EXT1: variants seen among roughly 807,000 people sequenced by gnomAD.
The protein encoded by EXT1 is exostosin glycosyltransferase 1, also known as exostosin-1.
In EXT1, 20 loss-of-function variants were observed where a neutral mutation model predicts 82.5. That is an observed-to-expected ratio of 0.24 (90% CI 0.17 to 0.35). EXT1 has a LOEUF of 0.35. Among genes scored for constraint, EXT1 ranks in the 10% least tolerant of loss-of-function variants. The pLI is 1.00. For missense variants in EXT1, 757 were observed against 936.5 expected, an observed-to-expected ratio of 0.81 and a Z score of 2.50; for synonymous variants, 348 against 350.8, an observed-to-expected ratio of 0.99 and a Z score of 0.09.
chr8:117,938,058 A>G (rs1266009801), intron 1 of EXT1, among the ~76,000 whole-genome samples: 1 of 152,174 alleles, frequency 6.6e-6, no homozygotes, highest in African/African-American at 2.4e-5. Flanking sequence ...ACTATTCCAA[A>G]CCCAATGCTT....
intron 1 of EXT1, among the ~76,000 whole-genome samples, chr8:117,935,251 TA>T (rs1793925745): frequency 6.6e-6 from 1 of 151,768 alleles, no homozygotes; most frequent in African/African-American, 2.4e-5. Context: ...TTGTCATTTC[TA>T]AACACAGACA....
At chr8:117,868,352 A>G (rs1812810274) in intron 1 of EXT1, among the ~76,000 whole-genome samples, 1 of 152,242 alleles carries the variant, frequency 6.6e-6, no homozygotes, top group African/African-American at 2.4e-5. Flanking sequence ...AGCCACAAGC[A>G]CATCATCATA....
chr8:117,908,613 G>C (rs1453965970), intron 1 of EXT1, among the ~76,000 whole-genome samples: 3 of 152,062 alleles, frequency 2.0e-5, no homozygotes, highest in Middle Eastern at 6.8e-3. Context: ...CCGGGCAACA[G>C]AGCGAGACAC....
intron 1 of EXT1, among the ~76,000 whole-genome samples, chr8:117,875,655 C>T (rs886801228): frequency 5.3e-5 from 8 of 151,926 alleles, no homozygotes; most frequent in East Asian, 1.9e-4. Context: ...TAGATTTCCA[C>T]GGTATTCAAG....
intron 1 of EXT1, among the ~76,000 whole-genome samples, chr8:117,931,762 G>T (rs1229007707): frequency 2.6e-5 from 4 of 152,146 alleles, no homozygotes; most frequent in Non-Finnish European, 5.9e-5. Flanking sequence ...TATGTTTTAG[G>T]TATATTTCTT....
At chr8:118,084,832 G>A (rs999563533) in intron 1 of EXT1, among the ~76,000 whole-genome samples, 1 of 152,222 alleles carries the variant, frequency 6.6e-6, no homozygotes, top group African/African-American at 2.4e-5. Flanking sequence ...TTAATAAAAT[G>A]GAGACTGGCC....
intron 10 of EXT1, among the ~76,000 whole-genome samples, chr8:117,801,497 G>T (rs1232262458): frequency 6.6e-6 from 1 of 151,940 alleles, no homozygotes; most frequent in African/African-American, 2.4e-5. Context: ...ATATGAGTTT[G>T]TGGGCCATTT....
At chr8:117,854,051 T>A (rs1291456743) in intron 1 of EXT1, among the ~76,000 whole-genome samples, 1 of 152,242 alleles carries the variant, frequency 6.6e-6, no homozygotes, top group Non-Finnish European at 1.5e-5. Context: ...TACTCACTGC[T>A]ATGAGGCCTG....
At chr8:118,003,616 G>GT (rs937494725) in intron 1 of EXT1, among the ~76,000 whole-genome samples, 12 of 151,924 alleles carry the variant, frequency 7.9e-5, no homozygotes, top group African/African-American at 1.9e-4. Flanking sequence ...ATATTCATAG[G>GT]TTTTTTATTT....
At chr8:117,833,159 C>T (rs1812129548) in intron 3 of EXT1, among the ~76,000 whole-genome samples, 1 of 152,150 alleles carries the variant, frequency 6.6e-6, no homozygotes, top group Admixed American at 6.5e-5. Context: ...TACACAGTTG[C>T]TGCTCAATAT....
chr8:117,906,819 G>A (rs1226724732), intron 1 of EXT1, among the ~76,000 whole-genome samples: 3 of 152,158 alleles, frequency 2.0e-5, no homozygotes, highest in African/African-American at 4.8e-5. Flanking sequence ...GCATGAGCAG[G>A]TGTCAGATCT....
rs557480580 is a variant in EXT1, at chr8:117,896,045, T to C, written c.963-58844A>G. 2.6e-5 allele frequency among the ~76,000 whole-genome samples: 4 copies of C among 152,314 alleles called. No individual in the cohort carries two copies. The South Asian group carries it at 8.3e-4, about 32-fold the overall frequency. On this transcript the variant is annotated intron_variant, in intron 1 of 10. Transcript: ENST00000378204. ...TGTAAAACGTAGAGAAGGTCATGCA[T>C]GTATATTTTACCTGGAACCTCACAA...
intron 4 of EXT1, among the ~76,000 whole-genome samples, chr8:117,827,107 G>C (rs1383894646): frequency 6.6e-6 from 1 of 152,312 alleles, no homozygotes; most frequent in Admixed American, 6.5e-5. Flanking sequence ...CACAGCAAAA[G>C]AGAGTCACGC....
intron 1 of EXT1, among the ~76,000 whole-genome samples, chr8:117,973,886 G>GAAAGA (rs747386364): frequency 0.13 from 8,762 of 67,302 alleles, 2,177 homozygotes; most frequent in African/African-American, 0.18. Context: ...GAAAGGAAAG[G>GAAAGA]AAGGAAAGGA....
At chr8:118,061,979 A>T (rs1816888338) in intron 1 of EXT1, among the ~76,000 whole-genome samples, 1 of 152,214 alleles carries the variant, frequency 6.6e-6, no homozygotes, top group Non-Finnish European at 1.5e-5. Context: ...ACTCCAAAGT[A>T]TTACTATCTT....
chr8:118,078,835 A>G (rs1227474172), intron 1 of EXT1, among the ~76,000 whole-genome samples: 1 of 152,244 alleles, frequency 6.6e-6, no homozygotes, highest in Non-Finnish European at 1.5e-5. Flanking sequence ...CTCAAGTGAA[A>G]GACAAATTGT....
intron 1 of EXT1, among the ~76,000 whole-genome samples, chr8:117,984,032 A>T (rs1815260721): frequency 6.6e-6 from 1 of 152,226 alleles, no homozygotes; most frequent in Admixed American, 6.5e-5. Context: ...CTAAAGCTAG[A>T]TAGATTAACA....
intron 1 of EXT1, among the ~76,000 whole-genome samples, chr8:118,016,092 T>G (rs1021420564): frequency 5.9e-5 from 9 of 152,180 alleles, no homozygotes; most frequent in African/African-American, 2.2e-4. Context: ...TAGATTTTTG[T>G]TGTTTAAAGC....
rs1223511421 is a variant in EXT1, at chr8:117,795,363, G to C, written c.*4349C>G. 1 of 152,094 alleles carries C rather than the reference G, an allele frequency of 6.6e-6. No homozygotes were observed. The highest frequency in any genetic ancestry group is 1.5e-5 in the Non-Finnish European group (1 of 68,036). The allele number at this position is 152,094 out of a possible 1,614,324, so 9.4% of individuals were successfully genotyped here. On this transcript the variant is annotated 3_prime_UTR_variant, in exon 11 of 11. Transcript: ENST00000378204. ...GCAAAAAGGGGAGAGATGGTTTTGA[G>C]GAGTCAAATCCATCATCACAATTAT... is the stretch of plus-strand genomic sequence containing the variant.
Sources: allele counts gnomAD v4.1 joint callset (sites outside exome capture counted in the v4.1 genomes callset), GRCh38; gene constraint gnomAD v4.1.1; transcripts MANE v1.5; gene names NCBI Gene and HGNC (gene_info 2026-07-23, HGNC 2026-07-21).